ADAM8: variants seen among roughly 807,000 people sequenced by gnomAD.
The protein encoded by ADAM8 is ADAM metallopeptidase domain 8.
ADAM8 carries 104 observed loss-of-function variants against 102.4 expected under a neutral mutation model. The observed-to-expected ratio is 1.02, with a 90% CI of 0.87 to 1.20. The LOEUF (loss-of-function observed/expected upper bound fraction) is 1.20. ADAM8 is among the 50% of genes most tolerant of loss of function. The pLI, the probability that ADAM8 is intolerant of heterozygous loss-of-function variation, is 0.00. For synonymous variants in ADAM8, 517 were observed against 485.2 expected (o/e 1.07, Z -0.86); for missense variants, 1,132 against 1,159.0 (o/e 0.98, Z 0.34).
At chr10:133,275,647 C>A (rs548421196) in intron 1 of ADAM8, 60 bp from the exon 2 acceptor site, 38 of 861,324 alleles carry the variant, frequency 4.4e-5, no homozygotes, top group Non-Finnish European at 5.6e-5. Flanking sequence ...TTCCCAGAGG[C>A]CTCCTGGGCC....
At chr10:133,264,580 G>A (rs1377940839) in intron 21 of ADAM8, among the ~76,000 whole-genome samples, 2 of 152,226 alleles carry the variant, frequency 1.3e-5, no homozygotes, top group Non-Finnish European at 2.9e-5. Flanking sequence ...ACCCTACTGA[G>A]CAGCCAGGGG....
chr10:133,271,374 G>C (rs1054187656), intron 12 of ADAM8, 85 bp from the exon 13 acceptor site: 67 of 1,508,548 alleles, frequency 4.4e-5, no homozygotes, highest in Admixed American at 8.1e-5. Flanking sequence ...CCTGACCACT[G>C]GGGTGCCCTG....
intron 1 of ADAM8, 107 bp downstream of exon 1, chr10:133,276,665 G>A: frequency 1.4e-6 from 2 of 1,432,362 alleles, no homozygotes; most frequent in Admixed American, 2.5e-5. Flanking sequence ...AGCCGGGCCA[G>A]GGTGCGGGGT....
intron 7 of ADAM8, 34 bp downstream of exon 7, chr10:133,272,923 G>T (rs61869862): frequency 2.5e-6 from 4 of 1,611,580 alleles, no homozygotes; most frequent in Non-Finnish European, 2.5e-6. Context: ...CCCCGCCGCC[G>T]GCTGCTCTCC....
chr10:133,269,516 T>C lies in ADAM8; in HGVS notation c.1877A>G (p.Lys626Arg). 6.3e-7 allele frequency: 1 copy of C among 1,598,596 alleles called. No individual in the cohort carries two copies. The highest frequency in any genetic ancestry group is 8.5e-7 in the Non-Finnish European group (1 of 1,178,060). The change falls in exon 18 of 23, where the codon AAG becomes AGG. Residue 626 changes from lysine (K) to arginine (R), a missense_variant. Coordinates refer to ENST00000445355, the MANE Select transcript of ADAM8 (RefSeq NM_001109.5). The part of the protein sequence containing the change: ...QCHNHGVCNH[K>R]QECHCHAGWA... ...GCCCGCGTGGCAGTGGCACTCCTGC[T>C]TGTGGTTGCACACCTGCGGGGACGG...
intron 20 of ADAM8, 135 bp downstream of exon 20, chr10:133,267,794 G>T: frequency 1.1e-6 from 1 of 949,488 alleles, no homozygotes; most frequent in Non-Finnish European, 1.4e-6. Context: ...CAGCTGCTCT[G>T]GGCCTCGGGG....
intron 15 of ADAM8, 69 bp downstream of exon 15, chr10:133,270,667 A>G: frequency 6.4e-7 from 1 of 1,557,270 alleles, no homozygotes; most frequent in South Asian, 1.2e-5. Flanking sequence ...CCCTTTGCAG[A>G]GGCCCTTCTG....
rs1589808141 is a variant in ADAM8, at chr10:133,271,650, A to G, written c.1162T>C (p.Leu388=). ...AGGCACACCGACTGCGGCCGCTCCAAAAAGCTCTCCAGGTAGGCCTGGCTG... is the reference window on the plus strand; with the variant it reads ...AGGCACACCGACTGCGGCCGCTCCAGAAAGCTCTCCAGGTAGGCCTGGCTG... ...DCSQAYLESF[L]ERPQSVCLAN... Residue 388 remains leucine (L), a synonymous_variant, in exon 12 of 23, where the codon TTG becomes CTG. Transcript: ENST00000445355. The G allele has an allele frequency of 6.4e-7, 1 of 1,559,556 alleles. No individual in the cohort carries two copies. The highest frequency in any genetic ancestry group is 2.4e-5 in the East Asian group (1 of 41,680).
Position 133,263,747 on chromosome 10 carries a change from C to A in ADAM8, c.2338G>T (p.Ala780Ser). Residue 780 changes from alanine (A) to serine (S), a missense_variant, in exon 22 of 23, where the codon GCA becomes TCA. Transcript: ENST00000445355. ...APKQVIKPTF[A>S]PPVPPVKPGA... ...GGTTTGACTGGGGGCACTGGGGGTG[C>A]GAACGTTGGCTTGATGACCTGGGAG... 6.4e-7 allele frequency: 1 copy of A among 1,569,708 alleles called. No individual in the cohort carries two copies. Among genetic ancestry groups the A allele is most frequent in the Non-Finnish European group, 8.6e-7 (1 of 1,157,776 alleles).
At position 133,276,847 on chromosome 10, in the gene ADAM8, A is replaced by G; in HGVS notation, c.-30T>C. 6.6e-7 allele frequency: 1 copy of G among 1,514,156 alleles called. No individual in the cohort carries two copies. The highest frequency in any genetic ancestry group is 8.8e-7 in the Non-Finnish European group (1 of 1,135,252). The allele number at this position is 1,514,156 out of a possible 1,614,324, so 93.8% of individuals were successfully genotyped here. A position where few individuals can be genotyped will look rare whatever the true frequency, so the allele number is the denominator to read the frequency against. The stretch of plus-strand genomic sequence containing the variant: ...GGGTCGGGGAGCAGAGGCGGAGGTG[A>G]CAGCCCCGCGGGACACGGTCTGGTT... On this transcript the variant is annotated 5_prime_UTR_variant, in exon 1 of 23. Transcript: ENST00000445355.
In ADAM8 at chr10:133,263,714, C is replaced by A; in HGVS notation, c.2371G>T (p.Gly791Cys). 6.4e-7 allele frequency: 1 copy of A among 1,551,048 alleles called. No homozygotes were observed. Among genetic ancestry groups the A allele is most frequent in the Non-Finnish European group, 8.7e-7 (1 of 1,148,826 alleles). The part of the protein sequence containing the change: ...PPVPPVKPGA[G>C]AANPGPAEGA... Reference sequence around the variant, plus strand: ...TCAGCTGGACCAGGGTTGGCCGCACCAGCCCCGGGTTTGACTGGGGGCACT... The same window carrying A: ...TCAGCTGGACCAGGGTTGGCCGCACAAGCCCCGGGTTTGACTGGGGGCACT... The change falls in exon 22 of 23, where the codon GGT (glycine) becomes TGT (cysteine). Residue 791 changes from glycine (G) to cysteine (C), a missense_variant. Gly to Cys is a radical substitution (Grantham distance 159, BLOSUM62 -3). Transcript: ENST00000445355.
intron 4 of ADAM8, 46 bp downstream of exon 4, chr10:133,273,905 C>T (rs1187453781): frequency 1.8e-5 from 28 of 1,558,916 alleles, no homozygotes; most frequent in African/African-American, 6.8e-5. Flanking sequence ...CGGGGAGGGC[C>T]GCCCAGCCCC....
intron 22 of ADAM8, 26 bp from the exon 23 acceptor site, chr10:133,263,259 G>A (rs1460881492): frequency 2.6e-6 from 4 of 1,568,226 alleles, no homozygotes; most frequent in Admixed American, 3.9e-5. Flanking sequence ...GATAATTGAT[G>A]TTGAAAAACT....
rs562294707 is a variant in ADAM8, at chr10:133,262,710, C to A, written c.*446G>T. The A allele has an allele frequency of 9.5e-4, 156 of 165,036 alleles. No homozygotes were observed. Among genetic ancestry groups the A allele is most frequent in the Non-Finnish European group, 1.8e-3 (137 of 75,554 alleles). The allele number at this position is 165,036 out of a possible 1,614,324, so 10.2% of individuals were successfully genotyped here. A position where few individuals can be genotyped will look rare whatever the true frequency, so the allele number is the denominator to read the frequency against. ...CCTCTCGAAGAGCACGCAGGGGAAC[C>A]TGGTCCTGGGATGGAGTCTTTCTGG... On this transcript the variant is annotated 3_prime_UTR_variant, in exon 23 of 23. Transcript: ENST00000445355.
chr10:133,270,344 T>C lies in ADAM8; in HGVS notation c.1785+16A>G. On this transcript the variant is annotated intron_variant, in intron 16 of 22. Coordinates refer to ENST00000445355, the MANE Select transcript of ADAM8 (RefSeq NM_001109.5). ...GATGCCTGGGGGGTGGCGCGGCCTC[T>C]GAGCCAGGGGCTCACCTTCTCTGGT... 1.3e-6 allele frequency: 2 copies of C among 1,572,874 alleles called. No individual in the cohort carries two copies. Among genetic ancestry groups the C allele is most frequent in the Non-Finnish European group, 1.7e-6 (2 of 1,152,648 alleles).
Position 133,271,940 on chromosome 10 carries a change from G to A in ADAM8, c.972C>T (p.Asn324=), listed in dbSNP as rs140374625. The change falls in exon 11 of 23, where the codon AAC becomes AAT. Residue 324 remains asparagine (N), a synonymous_variant. Transcript: ENST00000445355. ...CCATGGTACAGGCCACGCCCACGGG[G>A]TTCTTGCTGTGGTCCTGCAGGAGGG... ...SGAVNQDHSK[N]PVGVACTMAH... 8,277 of 1,611,334 alleles carry A rather than the reference G, an allele frequency of 5.1e-3. 25 individuals carry two copies. The highest frequency in any genetic ancestry group is 6.7e-3 in the Non-Finnish European group (7,879 of 1,178,780).
At chr10:133,272,108 C>T in intron 10 of ADAM8, 85 bp downstream of exon 10, 1 of 1,505,642 alleles carries the variant, frequency 6.6e-7, no homozygotes, top group Non-Finnish European at 9.0e-7. Flanking sequence ...GGGAGGTGGC[C>T]TGCTCCAGAG....
At chr10:133,271,494 T>C (rs1382807779) in intron 12 of ADAM8, 34 bp downstream of exon 12, 1 of 1,526,972 alleles carries the variant, frequency 6.5e-7, no homozygotes, top group Admixed American at 2.0e-5. Flanking sequence ...TGGCACCCAG[T>C]GCTGACGGGA....
Position 133,268,018 on chromosome 10 carries a change from C to T in ADAM8, c.2164G>A (p.Gly722Ser). ...GTGGTGGGGACCAGCTCTTGGGGGC[C>T]CCTGGATGGGGCTGGAGCCCCGCCC... is the stretch of plus-strand genomic sequence containing the variant. ...AKGGAPAPSR[G>S]PQELVPTTHP... is the part of the protein sequence containing the mutation. Residue 722 changes from glycine to serine, a missense_variant, in exon 20 of 23, where the codon GGC becomes AGC. Gly to Ser is a moderately conservative substitution (Grantham distance 56). Coordinates refer to ENST00000445355, the MANE Select transcript of ADAM8 (RefSeq NM_001109.5). 2.4e-6 allele frequency: 3 copies of T among 1,261,120 alleles called. No individual in the cohort carries two copies. Among genetic ancestry groups the T allele is most frequent in the South Asian group, 7.8e-5 (2 of 25,690 alleles). The allele number at this position is 1,261,120 out of a possible 1,614,324, so 78.1% of individuals were successfully genotyped here. A position where few individuals can be genotyped will look rare whatever the true frequency, so the allele number is the denominator to read the frequency against.
Sources: allele counts gnomAD v4.1 joint callset (sites outside exome capture counted in the v4.1 genomes callset), GRCh38; gene constraint gnomAD v4.1.1; transcripts MANE v1.5; gene names NCBI Gene and HGNC (gene_info 2026-07-23, HGNC 2026-07-21).